Variants in KAT2B observed in about 807,000 individuals in gnomAD.
KAT2B encodes lysine acetyltransferase 2B, also known as histone acetyltransferase KAT2B.
In KAT2B, 36 loss-of-function variants were observed where a neutral mutation model predicts 105.9. The ratio of observed to expected loss-of-function variants is 0.34; its 90% confidence interval spans 0.26 to 0.45. The LOEUF is 0.45. Ranked by LOEUF, KAT2B falls within the 20% of genes least tolerant of loss-of-function variation. KAT2B has a pLI of 1.00. For missense variants in KAT2B, 820 were observed against 1,021.6 expected, an observed-to-expected ratio of 0.80 and a Z score of 2.69; for synonymous variants, 397 against 377.9, an observed-to-expected ratio of 1.05 and a Z score of -0.59.
At chr3:20,122,115 A>G (rs900665419) in intron 8 of KAT2B, among the ~76,000 whole-genome samples, 1 of 152,202 alleles carries the variant, frequency 6.6e-6, no homozygotes, top group African/African-American at 2.4e-5. Context: ...TGAGTAATTC[A>G]TAGGTCAAAC....
At chr3:20,148,193 A>G (rs769486889) in intron 15 of KAT2B, 50 bp from the exon 16 acceptor site, 9 of 1,510,438 alleles carry the variant, frequency 6.0e-6, no homozygotes, top group Middle Eastern at 1.7e-4. Flanking sequence ...TCAGCTGGCA[A>G]TAGGGTAAAA....
chr3:20,064,560 A>G (rs1184429667), intron 1 of KAT2B, among the ~76,000 whole-genome samples: 2 of 152,190 alleles, frequency 1.3e-5, no homozygotes, highest in Non-Finnish European at 2.9e-5. Flanking sequence ...GGTAGTGAAT[A>G]AGAGTGAGTC....
At chr3:20,107,806 CTTTT>C (rs1206858155) in intron 5 of KAT2B, among the ~76,000 whole-genome samples, 2 of 113,752 alleles carry the variant, frequency 1.8e-5, no homozygotes, top group Non-Finnish European at 3.4e-5. Context: ...TTGCTTTTTC[CTTTT>C]TTTTTTTTTT....
chr3:20,072,671 C>T (rs1575117008), intron 2 of KAT2B, among the ~76,000 whole-genome samples: 1 of 152,194 alleles, frequency 6.6e-6, no homozygotes, highest in East Asian at 1.9e-4. Context: ...GTCCCTTCTT[C>T]CTTTCAAGAG....
chr3:20,130,683 C>T (rs1021718330), intron 11 of KAT2B, among the ~76,000 whole-genome samples: 2 of 152,122 alleles, frequency 1.3e-5, no homozygotes, highest in African/African-American at 4.8e-5. Flanking sequence ...GCAATTCCCC[C>T]CCATAACCAT....
chr3:20,122,610 ATTAT>A lies in KAT2B; in HGVS notation c.1277-55_1277-52del, dbSNP rs1575146738. The A allele has an allele frequency of 7.3e-6, 10 of 1,363,286 alleles. No individual in the cohort carries two copies. The East Asian group carries it at 2.1e-4, about 29-fold the overall frequency. 84.4% of individuals were successfully genotyped at this position (1,363,286 alleles called of 1,614,324 possible). On this transcript the variant is annotated intron_variant, in intron 8 of 17. Transcript: ENST00000263754. ...GCTGTTAGAAAATTAGTTGGCGTGTATTATTTGTTTTGTGTTTAGAACCACCCAT... is the reference window on the plus strand; with the variant it reads ...GCTGTTAGAAAATTAGTTGGCGTGTATTGTTTTGTGTTTAGAACCACCCAT...
chr3:20,046,953 C>T (rs1367501142), intron 1 of KAT2B, among the ~76,000 whole-genome samples: 2 of 152,068 alleles, frequency 1.3e-5, no homozygotes, highest in Non-Finnish European at 2.9e-5. Context: ...CAGGACAACT[C>T]CCCCCAACGA....
Position 20,152,456 on chromosome 3 carries a change from C to T in KAT2B, c.2430C>T (p.Tyr810=), listed in dbSNP as rs150884035. 788 of 1,613,336 alleles carry T rather than the reference C, an allele frequency of 4.9e-4. No homozygotes were observed. The highest frequency in any genetic ancestry group is 1.0e-3 in the Admixed American group (62 of 59,982). Residue 810 remains tyrosine (Y), a synonymous_variant, in exon 18 of 18, where the codon TAC becomes TAT. Transcript: ENST00000263754. ...ACAACCCCCCTGAGAGTGAATACTACAAATGTGCCAATATCCTGGAGAAAT... is the reference window on the plus strand; with the variant it reads ...ACAACCCCCCTGAGAGTGAATACTATAAATGTGCCAATATCCTGGAGAAAT... ...KEYNPPESEY[Y]KCANILEKFF... is the part of the protein sequence containing the mutation.
intron 9 of KAT2B, among the ~76,000 whole-genome samples, chr3:20,123,209 A>G (rs1395734795): frequency 6.6e-6 from 1 of 151,440 alleles, no homozygotes; most frequent in African/African-American, 2.4e-5. Flanking sequence ...TTCTCTCCCC[A>G]CTCCCCATGA....
At chr3:20,074,839 C>T (rs1326772270) in intron 2 of KAT2B, among the ~76,000 whole-genome samples, 1 of 152,092 alleles carries the variant, frequency 6.6e-6, no homozygotes, top group African/African-American at 2.4e-5. Flanking sequence ...GGAGCTTGTG[C>T]CTGTTATGTG....
chr3:20,086,242 C>T (rs1397948436), intron 2 of KAT2B, among the ~76,000 whole-genome samples: 1 of 151,898 alleles, frequency 6.6e-6, no homozygotes, highest in Admixed American at 6.6e-5. Context: ...CACTACAATC[C>T]AGCCTGGGTG....
In KAT2B at chr3:20,114,920, A is replaced by C. The variant is rs886424705; in HGVS notation, c.1082A>C (p.Asn361Thr). The C allele has an allele frequency of 2.5e-6, 4 of 1,612,140 alleles. No individual in the cohort carries two copies. The African/African-American group carries it at 4.0e-5, about 16-fold the overall frequency. ...SMLEEEVYSQ[N>T]SPIWDQDFLS... ...CTAGAAGAAGAAGTATATAGTCAAA[A>C]CTCTCCCATCTGGGATCAGGATTTT... The change falls in exon 7 of 18, where the codon AAC becomes ACC. Residue 361 changes from asparagine (N) to threonine (T), a missense_variant. By Grantham distance (65) the Asn-to-Thr change is moderately conservative (BLOSUM62 0). Coordinates refer to ENST00000263754, the MANE Select transcript of KAT2B (RefSeq NM_003884.5).
At chr3:20,140,166 C>T (rs2125191658) in intron 12 of KAT2B, 55 bp from the exon 13 acceptor site, 1 of 1,124,254 alleles carries the variant, frequency 8.9e-7, no homozygotes, top group Admixed American at 1.7e-5. Flanking sequence ...ATAGTTAGCA[C>T]TCAGTAGATA....
At position 20,063,534 on chromosome 3, in the gene KAT2B, CTTTTTTTTT is replaced by C. The variant is rs36058009; in HGVS notation, c.304-8777_304-8769del. On this transcript the variant is annotated intron_variant, in intron 1 of 17. Coordinates refer to ENST00000263754, the MANE Select transcript of KAT2B (RefSeq NM_003884.5). ...CTCACAGCAACTTCTGAGTAGGCCT[CTTTTTTTTT>C]TTTTTTTTTTTTTTTTTTTTTGAGA... 1.6e-3 allele frequency among the ~76,000 whole-genome samples: 143 copies of C among 88,818 alleles called. 2 individuals are homozygous for C. The highest frequency in any genetic ancestry group is 1.3e-3 in the Non-Finnish European group (57 of 45,360). The allele number at this position is 88,818 out of a possible 152,430, so 58.3% of individuals were successfully genotyped here.
chr3:20,041,933 A>G (rs993182249), intron 1 of KAT2B, among the ~76,000 whole-genome samples: 4 of 152,198 alleles, frequency 2.6e-5, no homozygotes, highest in African/African-American at 7.2e-5. Context: ...CTCAGTCACA[A>G]TGGAATGTCT....
chr3:20,109,308 A>G (rs1411542952), intron 5 of KAT2B, among the ~76,000 whole-genome samples: 3 of 152,034 alleles, frequency 2.0e-5, no homozygotes, highest in Non-Finnish European at 4.4e-5. Context: ...ATAGATAGAT[A>G]GATAGATAGA....
chr3:20,121,729 C>CAT (rs1491140943), intron 8 of KAT2B, among the ~76,000 whole-genome samples: 6 of 120,372 alleles, frequency 5.0e-5, no homozygotes, highest in East Asian at 2.7e-4. Flanking sequence ...TACACATATG[C>CAT]ATATGTGTGT....
At chr3:20,047,804 C>T (rs1037003855) in intron 1 of KAT2B, among the ~76,000 whole-genome samples, 13 of 151,786 alleles carry the variant, frequency 8.6e-5, no homozygotes, top group South Asian at 2.1e-4. Flanking sequence ...TTAGTAGAGA[C>T]GGGGTTTCAC....
At chr3:20,110,195 T>G (rs1217734006) in intron 5 of KAT2B, among the ~76,000 whole-genome samples, 1 of 152,126 alleles carries the variant, frequency 6.6e-6, no homozygotes. Context: ...AGAGGTTTGA[T>G]TTTTGGAAGG....
Sources: allele counts gnomAD v4.1 joint callset (sites outside exome capture counted in the v4.1 genomes callset), GRCh38; gene constraint gnomAD v4.1.1; transcripts MANE v1.5; gene names NCBI Gene and HGNC (gene_info 2026-07-23, HGNC 2026-07-21).